The following NXPH1 variants were observed in gnomAD, a reference collection of about 807,000 sequenced individuals.
The protein encoded by NXPH1 is neurexophilin 1, also known as neurexophilin-1.
In NXPH1, 5 loss-of-function variants were observed where a neutral mutation model predicts 23.7. That is an observed-to-expected ratio of 0.21 (90% CI 0.11 to 0.44). The LOEUF is 0.44. Ranked by LOEUF, NXPH1 falls within the 20% of genes least tolerant of loss-of-function variation. NXPH1 has a pLI of 0.99. For missense variants in NXPH1, 324 were observed against 321.6 expected (o/e 1.01, Z -0.06); for synonymous variants, 144 against 122.2 (o/e 1.18, Z -1.18).
intron 2 of NXPH1, among the ~76,000 whole-genome samples, chr7:8,465,547 G>T (rs181842371): frequency 9.9e-5 from 15 of 152,226 alleles, no homozygotes; most frequent in Admixed American, 9.8e-4. Context: ...GTGCTATTAG[G>T]CTCCCAAGCT....
chr7:8,517,175 G>A (rs1017398459), intron 2 of NXPH1, among the ~76,000 whole-genome samples: 1 of 152,128 alleles, frequency 6.6e-6, no homozygotes, highest in Non-Finnish European at 1.5e-5. Context: ...TAGTGACTCA[G>A]CAGTGAGCAA....
intron 2 of NXPH1, among the ~76,000 whole-genome samples, chr7:8,503,087 C>A (rs944836879): frequency 6.6e-6 from 1 of 151,976 alleles, no homozygotes; most frequent in East Asian, 1.9e-4. Context: ...TTGCTTACAC[C>A]AGCTGGCAAA....
At chr7:8,578,151 C>T (rs932564741) in intron 2 of NXPH1, among the ~76,000 whole-genome samples, 1 of 152,152 alleles carries the variant, frequency 6.6e-6, no homozygotes, top group Non-Finnish European at 1.5e-5. Flanking sequence ...CTGGTTCCTA[C>T]CTGAAGGTAT....
At chr7:8,640,638 A>C in intron 2 of NXPH1, among the ~76,000 whole-genome samples, 1 of 152,110 alleles carries the variant, frequency 6.6e-6, no homozygotes. Flanking sequence ...TTTAGATAAA[A>C]TTTAAAATTA....
At chr7:8,726,202 G>T (rs947376829) in intron 2 of NXPH1, among the ~76,000 whole-genome samples, 6 of 151,492 alleles carry the variant, frequency 4.0e-5, no homozygotes, top group African/African-American at 1.5e-4. Flanking sequence ...GTGGCTAATA[G>T]GTACAAATGT....
intron 2 of NXPH1, among the ~76,000 whole-genome samples, chr7:8,500,157 C>T (rs1180760890): frequency 6.6e-6 from 1 of 152,006 alleles, no homozygotes; most frequent in Non-Finnish European, 1.5e-5. Context: ...TCCTGGATCC[C>T]AAAGAGGGCA....
intron 2 of NXPH1, among the ~76,000 whole-genome samples, chr7:8,619,081 T>C (rs1244178257): frequency 1.3e-5 from 2 of 152,232 alleles, no homozygotes; most frequent in Non-Finnish European, 2.9e-5. Context: ...ATTTTCTCTC[T>C]CTAAGAAGGA....
intron 2 of NXPH1, among the ~76,000 whole-genome samples, chr7:8,663,893 A>G (rs1252001199): frequency 6.6e-6 from 1 of 152,038 alleles, no homozygotes; most frequent in Non-Finnish European, 1.5e-5. Context: ...TTTCTTCTCA[A>G]AGGTCTTGCT....
At chr7:8,709,004 C>T (rs12536363) in intron 2 of NXPH1, among the ~76,000 whole-genome samples, 2 of 152,150 alleles carry the variant, frequency 1.3e-5, no homozygotes, top group African/African-American at 2.4e-5. Context: ...ACACCATGAC[C>T]AAATAGTGTC....
intron 2 of NXPH1, among the ~76,000 whole-genome samples, chr7:8,576,308 C>A (rs975888930): frequency 6.6e-6 from 1 of 152,104 alleles, no homozygotes. Flanking sequence ...ATCATCCATG[C>A]CCTTTGGGGT....
intron 2 of NXPH1, among the ~76,000 whole-genome samples, chr7:8,510,397 T>C (rs922884170): frequency 1.3e-5 from 2 of 152,158 alleles, no homozygotes; most frequent in Non-Finnish European, 1.5e-5. Flanking sequence ...GTCTCACAGA[T>C]GACAAAGTTG....
intron 2 of NXPH1, among the ~76,000 whole-genome samples, chr7:8,678,182 C>A (rs529633474): frequency 2.0e-5 from 3 of 152,246 alleles, no homozygotes; most frequent in Non-Finnish European, 4.4e-5. Flanking sequence ...CGCTAGTACA[C>A]TAGTACTATT....
At chr7:8,516,143 A>C (rs1043135390) in intron 2 of NXPH1, among the ~76,000 whole-genome samples, 1 of 152,148 alleles carries the variant, frequency 6.6e-6, no homozygotes, top group African/African-American at 2.4e-5. Context: ...CCAGTTATCA[A>C]GACCATTTTT....
At chr7:8,746,671 T>A (rs553972343) in intron 2 of NXPH1, among the ~76,000 whole-genome samples, 11 of 152,322 alleles carry the variant, frequency 7.2e-5, no homozygotes, top group Non-Finnish European at 1.5e-4. Context: ...ATTTAAAAAA[T>A]TATTTTATTG....
At chr7:8,615,102 C>T (rs532510137) in intron 2 of NXPH1, among the ~76,000 whole-genome samples, 29 of 152,058 alleles carry the variant, frequency 1.9e-4, no homozygotes, top group Admixed American at 3.9e-4. Context: ...AACTGTATGA[C>T]GCTGATTGGA....
intron 2 of NXPH1, among the ~76,000 whole-genome samples, chr7:8,659,721 TAAAGTA>T (rs1367571221): frequency 6.6e-6 from 1 of 152,158 alleles, no homozygotes; most frequent in Non-Finnish European, 1.5e-5. Context: ...CCCTAGAACT[TAAAGTA>T]TAATAACAAA....
intron 2 of NXPH1, among the ~76,000 whole-genome samples, chr7:8,711,153 G>A (rs1779788268): frequency 6.6e-6 from 1 of 152,072 alleles, no homozygotes; most frequent in Non-Finnish European, 1.5e-5. Context: ...AGTAATGACT[G>A]CCTACGAGTG....
At chr7:8,729,814 C>G (rs944689771) in intron 2 of NXPH1, among the ~76,000 whole-genome samples, 17 of 151,964 alleles carry the variant, frequency 1.1e-4, no homozygotes, top group Non-Finnish European at 2.4e-4. Context: ...AATGTATATT[C>G]TGTTGATTTG....
At chr7:8,465,245 G>A (rs947122084) in intron 2 of NXPH1, among the ~76,000 whole-genome samples, 3 of 152,152 alleles carry the variant, frequency 2.0e-5, no homozygotes, top group African/African-American at 4.8e-5. Context: ...GATTATTATA[G>A]CATCTTTACA....
Sources: gnomAD v4.1 joint callset for allele counts (sites outside exome capture counted in the v4.1 genomes callset) on GRCh38, gnomAD v4.1.1 for gene constraint, MANE v1.5 for transcripts, NCBI Gene and HGNC (gene_info 2026-07-23, HGNC 2026-07-21) for gene names.